Variants in TLN2 observed in about 807,000 individuals in gnomAD.
The protein encoded by TLN2 is talin 2, also known as talin-2.
In TLN2, 118 loss-of-function variants were observed where a neutral mutation model predicts 294.7. The observed-to-expected ratio is 0.40, with a 90% CI of 0.34 to 0.47. The LOEUF (loss-of-function observed/expected upper bound fraction) is 0.47. TLN2 is among the 20% of genes least tolerant of loss of function. TLN2 has a pLI of 0.84. For missense variants in TLN2, 3,083 were observed against 3,282.2 expected, an observed-to-expected ratio of 0.94 and a Z score of 1.48; for synonymous variants, 1,431 against 1,304.5, an observed-to-expected ratio of 1.10 and a Z score of -2.09.
At chr15:62,775,100 G>A (rs965892913) in intron 42 of TLN2, among the ~76,000 whole-genome samples, 10 of 151,920 alleles carry the variant, frequency 6.6e-5, no homozygotes, top group African/African-American at 2.4e-4. Context: ...GGGACTACAG[G>A]CGCCCGCCAC....
chr15:62,702,870 A>C lies in TLN2; in HGVS notation c.2004+6A>C. On this transcript the variant is annotated splice_donor_region_variant and intron_variant, in intron 19 of 58. Transcript: ENST00000636159. ...AGACTGATGAGCGATTCCAGGTAAG[A>C]TATTTGCAGGCTTATAGTCATGGAA... 6.2e-7 allele frequency: 1 copy of C among 1,613,344 alleles called. No homozygotes were observed. The highest frequency in any genetic ancestry group is 2.2e-5 in the East Asian group (1 of 44,876).
At position 62,800,399 on chromosome 15, in the gene TLN2, C is replaced by T; in HGVS notation, c.6266C>T (p.Ala2089Val). ...VVLINAIKDV[A>V]KALSDLISAT... ...TTGATCAATGCCATCAAAGATGTGG[C>T]CAAGGCCCTTTCTGATCTCATCAGT... The change falls in exon 49 of 59, where the codon GCC becomes GTC. Residue 2089 changes from alanine (A) to valine (V), a missense_variant. Ala to Val is a moderately conservative substitution (Grantham distance 64, BLOSUM62 0). Coordinates refer to ENST00000636159, the MANE Select transcript of TLN2 (RefSeq NM_015059.3). 4 of 1,614,148 alleles carry T rather than the reference C, an allele frequency of 2.5e-6. No homozygotes were observed. The highest frequency in any genetic ancestry group is 3.4e-6 in the Non-Finnish European group (4 of 1,180,034).
At chr15:62,787,009 A>G (rs904724964) in intron 45 of TLN2, among the ~76,000 whole-genome samples, 2 of 152,010 alleles carry the variant, frequency 1.3e-5, no homozygotes, top group East Asian at 1.9e-4. Flanking sequence ...GTCTTAAGCA[A>G]TCCTCCCACC....
chr15:62,817,713 G>C (rs1312357310), intron 52 of TLN2, among the ~76,000 whole-genome samples: 1 of 152,088 alleles, frequency 6.6e-6, no homozygotes, highest in Non-Finnish European at 1.5e-5. Flanking sequence ...CTGGGCAGGG[G>C]AAAGGAGTGT....
chr15:62,533,980 C>G (rs1179053145), intron 1 of TLN2, among the ~76,000 whole-genome samples: 3 of 152,156 alleles, frequency 2.0e-5, no homozygotes, highest in African/African-American at 4.8e-5. Context: ...TCACTTGGCT[C>G]TGGGATGGGG....
intron 1 of TLN2, among the ~76,000 whole-genome samples, chr15:62,491,942 G>A (rs566755776): frequency 2.0e-5 from 3 of 152,184 alleles, no homozygotes; most frequent in Admixed American, 6.5e-5. Flanking sequence ...CAAATAATTG[G>A]CCTCTGAGAA....
chr15:62,551,513 TACACACACACACAC>T (rs56986714), intron 1 of TLN2, among the ~76,000 whole-genome samples: 9 of 147,062 alleles, frequency 6.1e-5, no homozygotes, highest in African/African-American at 1.3e-4. Context: ...CTACTAAAAA[TACACACACACACAC>T]ACACACACAC....
intron 27 of TLN2, among the ~76,000 whole-genome samples, chr15:62,725,853 T>C (rs2060411455): frequency 6.6e-6 from 1 of 152,210 alleles, no homozygotes; most frequent in Non-Finnish European, 1.5e-5. Flanking sequence ...ACCTGTGCTT[T>C]TGAGAGCTTC....
chr15:62,491,382 ACAC>A (rs2038717478), intron 1 of TLN2, among the ~76,000 whole-genome samples: 1 of 129,406 alleles, frequency 7.7e-6, no homozygotes, highest in African/African-American at 3.3e-5. Context: ...ACACACACAC[ACAC>A]ACACACACAC....
chr15:62,501,508 C>T (rs1025402510), intron 1 of TLN2, among the ~76,000 whole-genome samples: 1 of 152,196 alleles, frequency 6.6e-6, no homozygotes, highest in African/African-American at 2.4e-5. Flanking sequence ...GAAGCTTGCA[C>T]TCACACTGCC....
chr15:62,449,663 G>A (rs1206552799), intron 1 of TLN2, among the ~76,000 whole-genome samples: 1 of 152,054 alleles, frequency 6.6e-6, no homozygotes, highest in Non-Finnish European at 1.5e-5. Context: ...TAGTCCCAGC[G>A]ACTTGGGAGG....
rs572880349 is a variant in TLN2, at chr15:62,466,579, A to T, written c.-238+75894A>T. Reference sequence around the variant, plus strand: ...GAACCGTTGCTTTAGAGGACTTATGATGCCCCTGGGAATTTGTAAACACAG... The same window carrying T: ...GAACCGTTGCTTTAGAGGACTTATGTTGCCCCTGGGAATTTGTAAACACAG... On this transcript the variant is annotated intron_variant, in intron 1 of 58. Coordinates refer to ENST00000636159, the MANE Select transcript of TLN2 (RefSeq NM_015059.3). 2.0e-5 allele frequency among the ~76,000 whole-genome samples: 3 copies of T among 152,310 alleles called. No individual in the cohort carries two copies. In the South Asian group the frequency reaches 6.2e-4, roughly 32 times the overall value.
At position 62,748,423 on chromosome 15, in the gene TLN2, T is replaced by C; in HGVS notation, c.4098T>C (p.Asp1366=). The C allele has an allele frequency of 6.2e-7, 1 of 1,613,784 alleles. No individual in the cohort carries two copies. Among genetic ancestry groups the C allele is most frequent in the East Asian group, 2.2e-5 (1 of 44,846 alleles). The change falls in exon 33 of 59, where the codon GAT becomes GAC. Residue 1366 remains aspartate, a synonymous_variant. Transcript: ENST00000636159. The part of the protein sequence containing the change: ...TQQAPGQKEC[D]NALRELETVK... ...AAGCTCCGGGCCAGAAAGAGTGCGA[T>C]AATGCCCTGCGGGAGCTCGAGGTAG... is the stretch of plus-strand genomic sequence containing the variant.
Position 62,843,790 on chromosome 15 carries a change from A to C in TLN2, c.*3180A>C, listed in dbSNP as rs1040468476. The C allele has an allele frequency of 1.3e-5, 2 of 152,210 alleles. No individual in the cohort carries two copies. Among genetic ancestry groups the C allele is most frequent in the East Asian group, 3.9e-4 (2 of 5,184 alleles). The allele number at this position is 152,210 out of a possible 1,614,324, so 9.4% of individuals were successfully genotyped here. ...CCAAAACCTCATCAAGGAACCAGAC[A>C]CAGGTCAAAAGTGGTGAGCAAGCCA... On this transcript the variant is annotated 3_prime_UTR_variant, in exon 59 of 59. Coordinates refer to ENST00000636159, the MANE Select transcript of TLN2 (RefSeq NM_015059.3).
At chr15:62,556,294 T>TTTTCTCTTCTCTTCTCTTTTTTTCTTTTC (rs2042601356) in intron 1 of TLN2, among the ~76,000 whole-genome samples, 1 of 151,952 alleles carries the variant, frequency 6.6e-6, no homozygotes, top group Non-Finnish European at 1.5e-5. Context: ...ATTTTCTTTT[T>TTTTCTCTTCTCTTCTCTTTTTTTCTTTTC]TTTCTCTTCT....
At chr15:62,704,628 C>T (rs957301557) in intron 19 of TLN2, among the ~76,000 whole-genome samples, 4 of 152,144 alleles carry the variant, frequency 2.6e-5, no homozygotes, top group Non-Finnish European at 5.9e-5. Context: ...TACAGACATT[C>T]GTGTCATGAT....
At position 62,711,929 on chromosome 15, in the gene TLN2, C is replaced by A. The variant is rs1361636682; in HGVS notation, c.2486C>A (p.Ala829Glu). ...MGDAGEMVRQARVLAQATSDL... is the reference protein window; with the variant it reads ...MGDAGEMVRQERVLAQATSDL... ...CTTCTAGGTGAAATGGTGCGCCAGGCGCGGGTTCTGGCCCAAGCCACATCA... is the reference window on the plus strand; with the variant it reads ...CTTCTAGGTGAAATGGTGCGCCAGGAGCGGGTTCTGGCCCAAGCCACATCA... Residue 829 changes from alanine to glutamate, a missense_variant, in exon 22 of 59, where the codon GCG becomes GAG. Transcript: ENST00000636159. 1.2e-6 allele frequency: 2 copies of A among 1,608,946 alleles called. No individual in the cohort carries two copies. Among genetic ancestry groups the A allele is most frequent in the South Asian group, 1.1e-5 (1 of 90,818 alleles).
At position 62,838,794 on chromosome 15, in the gene TLN2, A is replaced by G. The variant is rs964946609; in HGVS notation, c.7375-62A>G. ...TCTCACAAACTGTACCTTCATGTCT[A>G]TTCTTGCCAGGCCCAAATGGCTGTT... On this transcript the variant is annotated intron_variant, in intron 57 of 58. Coordinates refer to ENST00000636159, the MANE Select transcript of TLN2 (RefSeq NM_015059.3). 5.6e-6 allele frequency: 9 copies of G among 1,594,046 alleles called. No homozygotes were observed. The African/African-American group carries it at 1.1e-4, about 19-fold the overall frequency.
intron 2 of TLN2, among the ~76,000 whole-genome samples, chr15:62,610,296 C>G (rs12591920): frequency 1.3e-5 from 2 of 152,068 alleles, no homozygotes; most frequent in Admixed American, 6.5e-5. Flanking sequence ...TGAATTAGCA[C>G]ATAGCTCCTA....
Sources: gnomAD v4.1 joint callset for allele counts (sites outside exome capture counted in the v4.1 genomes callset) on GRCh38, gnomAD v4.1.1 for gene constraint, MANE v1.5 for transcripts, NCBI Gene and HGNC (gene_info 2026-07-23, HGNC 2026-07-21) for gene names.